The following MILR1 variants were observed in gnomAD, a reference collection of about 807,000 sequenced individuals.
The protein encoded by MILR1 is mast cell immunoglobulin like receptor 1, also known as allergin-1.
A neutral mutation model predicts 18.5 loss-of-function variants in MILR1; 31 were observed. That is an observed-to-expected ratio of 1.68 (90% CI 1.26 to 2.26). The LOEUF (loss-of-function observed/expected upper bound fraction) is 2.26. MILR1 is among the 30% of genes most tolerant of loss of function. The pLI, the probability that MILR1 is intolerant of heterozygous loss-of-function variation, is 0.00. For synonymous variants in MILR1, 85 were observed against 56.2 expected (o/e 1.51, Z -2.30); for missense variants, 257 against 157.4 (o/e 1.63, Z -3.38).
downstream of MILR1, among the ~76,000 whole-genome samples, chr17:64,470,500 T>C (rs2037671211): frequency 6.6e-6 from 1 of 152,210 alleles, no homozygotes; most frequent in African/African-American, 2.4e-5. Context: ...TAAAAAATAT[T>C]GTGAAGCGCC....
At chr17:64,466,896 A>G (rs1199884417) in intron 8 of MILR1, among the ~76,000 whole-genome samples, 1 of 152,112 alleles carries the variant, frequency 6.6e-6, no homozygotes, top group Non-Finnish European at 1.5e-5. Flanking sequence ...AAAAAAACCC[A>G]GAGAGGAGGA....
chr17:64,467,574 A>G lies in MILR1; in HGVS notation c.989A>G (p.Asp330Gly). The G allele has an allele frequency of 1.3e-6, 2 of 1,535,468 alleles. No homozygotes were observed. The highest frequency in any genetic ancestry group is 1.8e-6 in the Non-Finnish European group (2 of 1,124,434). The change falls in exon 9 of 10, where the codon GAT becomes GGT. Residue 330 changes from aspartate to glycine, a missense_variant. Transcript: ENST00000619286. The stretch of plus-strand genomic sequence containing the variant: ...CCCTTTTATATTTCAGAAGCCTGTG[A>G]TTCTTATAAATCTGGATATGTCTAT... ...EVAPREQEAC[D>G]SYKSGYVYSE...
chr17:64,496,334 C>T, the MILR1 span: 2 of 981,258 alleles, frequency 2.0e-6, no homozygotes, highest in South Asian at 1.5e-5. Flanking sequence ...CAGTTGCAAT[C>T]CCCAAGATCC....
At chr17:64,480,521 T>G in the MILR1 span, 1 of 523,216 alleles carries the variant, frequency 1.9e-6, no homozygotes, top group Non-Finnish European at 3.6e-6. Context: ...TATGTGATGT[T>G]AATGTTTATA....
chr17:64,486,868 T>C, the MILR1 span: 1 of 152,206 alleles, frequency 6.6e-6, no homozygotes, highest in East Asian at 1.9e-4. Context: ...TAGTACATGA[T>C]ATGAATTAAG....
At chr17:64,496,631 T>A in the MILR1 span, 4 of 1,613,594 alleles carry the variant, frequency 2.5e-6, no homozygotes, top group Non-Finnish European at 3.4e-6. Context: ...GGTCCACCAT[T>A]CTGCGGCCAG....
the MILR1 span, chr17:64,496,291 A>C: frequency 1.1e-5 from 8 of 700,904 alleles, no homozygotes; most frequent in African/African-American, 1.8e-5. Context: ...AAAGATGAGA[A>C]CTAACTAACT....
chr17:64,451,983 C>G (rs2037181867), intron 2 of MILR1, among the ~76,000 whole-genome samples: 1 of 150,872 alleles, frequency 6.6e-6, no homozygotes. Context: ...GTTAATTGTC[C>G]AGATCAAAGA....
chr17:64,496,965 G>GCATCTCTCTCCGAAGTTAAAGAGCA, the MILR1 span: 4 of 1,604,576 alleles, frequency 2.5e-6, no homozygotes, highest in Non-Finnish European at 3.4e-6. Flanking sequence ...ACACGAGAGC[G>GCATCTCTCTCCGAAGTTAAAGAGCA]CATCTCTCTC....
Position 64,468,616 on chromosome 17 carries a change from T to G in MILR1, c.*335T>G, listed in dbSNP as rs2037636148. 8.8e-7 allele frequency: 1 copy of G among 1,133,088 alleles called. No individual in the cohort carries two copies. The highest frequency in any genetic ancestry group is 1.7e-5 in the African/African-American group (1 of 60,116). 70.2% of individuals were successfully genotyped at this position (1,133,088 alleles called of 1,614,324 possible). On this transcript the variant is annotated 3_prime_UTR_variant, in exon 10 of 10. Coordinates refer to ENST00000619286, the MANE Select transcript of MILR1 (RefSeq NM_001085423.2). ...GAATCGCTTTAGTAAATAAAGGGTCTCCAAGAATAAATTCATCCGAACATG... is the reference window on the plus strand; with the variant it reads ...GAATCGCTTTAGTAAATAAAGGGTCGCCAAGAATAAATTCATCCGAACATG...
chr17:64,496,747 C>G, the MILR1 span: 1 of 1,614,098 alleles, frequency 6.2e-7, no homozygotes, highest in Non-Finnish European at 8.5e-7. Context: ...AATGCCTTCT[C>G]TGACAGATCT....
At chr17:64,466,744 G>A in intron 8 of MILR1, 82 bp downstream of exon 8, 2 of 1,215,418 alleles carry the variant, frequency 1.6e-6, no homozygotes, top group Non-Finnish European at 2.4e-6. Context: ...GGGGCTTCAG[G>A]AGCCCGTTAA....
the MILR1 span, among the ~76,000 whole-genome samples, chr17:64,480,623 T>A: frequency 6.6e-6 from 1 of 152,216 alleles, no homozygotes; most frequent in Non-Finnish European, 1.5e-5. Flanking sequence ...GCCAATCTTC[T>A]GAGAAATTTG....
downstream of MILR1, among the ~76,000 whole-genome samples, chr17:64,472,617 A>C (rs2144106337): frequency 6.6e-6 from 1 of 151,798 alleles, no homozygotes; most frequent in South Asian, 2.1e-4. Context: ...TACCTTTTCT[A>C]TGTTTAGACA....
the MILR1 span, chr17:64,492,965 C>T: frequency 1.2e-6 from 2 of 1,613,926 alleles, no homozygotes; most frequent in Non-Finnish European, 1.7e-6. Context: ...TGAGCAAGGC[C>T]ATAAGGTAGC....
At chr17:64,464,126 T>TC (rs2037495285) in intron 5 of MILR1, among the ~76,000 whole-genome samples, 1 of 145,896 alleles carries the variant, frequency 6.9e-6, no homozygotes, top group Non-Finnish European at 1.5e-5. Flanking sequence ...ATTTTTTTTT[T>TC]TTTTTTTTTT....
intron 4 of MILR1, among the ~76,000 whole-genome samples, chr17:64,458,194 T>TTCC (rs1598094369): frequency 1.4e-5 from 2 of 145,710 alleles, no homozygotes; most frequent in Non-Finnish European, 3.0e-5. Context: ...TCCTTCCTTC[T>TTCC]TTCCTTCCTT....
the MILR1 span, chr17:64,486,826 T>C: frequency 6.6e-6 from 1 of 152,190 alleles, no homozygotes; most frequent in Admixed American, 6.5e-5. Context: ...ACTTTTTGCA[T>C]TAAAGCCATA....
At chr17:64,456,313 A>ATT (rs1234417146) in intron 3 of MILR1, among the ~76,000 whole-genome samples, 15 of 149,212 alleles carry the variant, frequency 1.0e-4, no homozygotes, top group African/African-American at 3.6e-4. Context: ...TTATTAATGC[A>ATT]TTATATATAT....
Sources: gnomAD v4.1 joint callset for allele counts (sites outside exome capture counted in the v4.1 genomes callset) on GRCh38, gnomAD v4.1.1 for gene constraint, MANE v1.5 for transcripts, NCBI Gene and HGNC (gene_info 2026-07-23, HGNC 2026-07-21) for gene names.